Variants in GAREM1 observed in about 807,000 individuals in gnomAD.
GAREM1 encodes GRB2-associated and regulator of MAPK protein 1.
Under a neutral mutation model 71.3 loss-of-function variants are expected in GAREM1, and 26 were observed. That is an observed-to-expected ratio of 0.36 (90% CI 0.27 to 0.51). The LOEUF is 0.51. Among genes scored for constraint, GAREM1 ranks in the 20% least tolerant of loss-of-function variants. The pLI is 0.95. For missense variants in GAREM1, 1,026 were observed against 1,103.1 expected (o/e 0.93, Z 0.99); for synonymous variants, 440 against 433.2 (o/e 1.02, Z -0.20).
Position 32,287,888 on chromosome 18 carries a change from G to T in GAREM1, c.709C>A (p.Arg237Ser). Residue 237 changes from arginine (R) to serine (S), a missense_variant, in exon 4 of 6, where the codon CGC becomes AGC. By Grantham distance (110) the Arg-to-Ser change is moderately radical (BLOSUM62 -1). Coordinates refer to ENST00000269209, the MANE Select transcript of GAREM1 (RefSeq NM_001242409.2). This position sits in a 1 kb window ranked among gnomAD's most constrained non-coding sequence, Gnocchi z 5.9. ...AGCCTGGTTTTCTCCACAATGTTGC[G>T]GATGGTGTGTTCGCCCTCTTGCATC... Reference protein sequence around the residue: ...LQMQEGEHTIRNIVEKTRLPV... With the variant: ...LQMQEGEHTISNIVEKTRLPV... 1 of 1,614,010 alleles carries T rather than the reference G, an allele frequency of 6.2e-7. No individual in the cohort carries two copies. Among genetic ancestry groups the T allele is most frequent in the Non-Finnish European group, 8.5e-7 (1 of 1,180,004 alleles).
intron 2 of GAREM1, among the ~76,000 whole-genome samples, chr18:32,364,750 C>T (rs917921568): frequency 6.6e-6 from 1 of 152,060 alleles, no homozygotes; most frequent in African/African-American, 2.4e-5. Flanking sequence ...TCTTTATGAA[C>T]ACAAGACACG....
chr18:32,417,269 A>T (rs533207866), intron 1 of GAREM1, among the ~76,000 whole-genome samples: 26 of 152,306 alleles, frequency 1.7e-4, no homozygotes, highest in African/African-American at 5.8e-4. Context: ...CACTGTTGGT[A>T]GTAACGTAAA....
chr18:32,445,261 G>C (rs1369976303), intron 1 of GAREM1, among the ~76,000 whole-genome samples: 1 of 152,024 alleles, frequency 6.6e-6, no homozygotes, highest in Non-Finnish European at 1.5e-5. Context: ...ACACATATTA[G>C]TAAAAAGGGT....
At chr18:32,290,522 G>A (rs1423792032) in intron 3 of GAREM1, among the ~76,000 whole-genome samples, 2 of 151,748 alleles carry the variant, frequency 1.3e-5, no homozygotes, top group East Asian at 3.9e-4. Flanking sequence ...GCACGTGACT[G>A]TAGTCCCAGG....
chr18:32,367,165 A>G (rs1292800088), intron 2 of GAREM1, among the ~76,000 whole-genome samples: 1 of 152,224 alleles, frequency 6.6e-6, no homozygotes, highest in African/African-American at 2.4e-5. Flanking sequence ...AAAGCCCAAG[A>G]AAATAGTCTC....
At position 32,293,899 on chromosome 18, in the gene GAREM1, T is replaced by A. The variant is rs371065320; in HGVS notation, c.394-5696A>T. Among the ~76,000 whole-genome samples, 10 of 152,294 alleles carry A rather than the reference T, an allele frequency of 6.6e-5. No individual in the cohort carries two copies. In the South Asian group the frequency reaches 2.1e-3, roughly 32 times the overall value. On this transcript the variant is annotated intron_variant, in intron 3 of 5. Transcript: ENST00000269209. ...CAAAACTATTATGAAAATCCCATCA[T>A]GAGGAAATATCAGACAAACCCAAAC...
chr18:32,376,899 A>T (rs1450059734), intron 2 of GAREM1, among the ~76,000 whole-genome samples: 2 of 152,152 alleles, frequency 1.3e-5, no homozygotes, highest in Non-Finnish European at 2.9e-5. Flanking sequence ...ACAAAACAAA[A>T]ACACTAGCAA....
intron 1 of GAREM1, among the ~76,000 whole-genome samples, chr18:32,458,924 C>G (rs77411478): frequency 0.02 from 3,061 of 152,072 alleles, 99 homozygotes; most frequent in African/African-American, 0.069. Context: ...CATCCCACTT[C>G]CAGGAACCCA....
chr18:32,412,550 A>G, intron 1 of GAREM1: 2 of 1,596,642 alleles, frequency 1.3e-6, no homozygotes, highest in Non-Finnish European at 1.7e-6. Flanking sequence ...TCCCACCGAA[A>G]CCACCTCCAC....
intron 1 of GAREM1, among the ~76,000 whole-genome samples, chr18:32,426,425 T>C (rs2048576293): frequency 6.6e-6 from 1 of 152,194 alleles, no homozygotes; most frequent in African/African-American, 2.4e-5. Context: ...TTATATTCTT[T>C]TACTGACATT....
At chr18:32,445,311 AC>A (rs1176072634) in intron 1 of GAREM1, among the ~76,000 whole-genome samples, 10 of 150,930 alleles carry the variant, frequency 6.6e-5, no homozygotes, top group Non-Finnish European at 1.0e-4. Context: ...CTTTCACTAA[AC>A]CCCCCGCCCC....
chr18:32,398,090 G>A (rs911280412), intron 1 of GAREM1, among the ~76,000 whole-genome samples: 1 of 152,126 alleles, frequency 6.6e-6, no homozygotes, highest in African/African-American at 2.4e-5. Context: ...AATGAAGGCA[G>A]AAATAAAGAT....
At chr18:32,399,833 A>G (rs900691199) in intron 1 of GAREM1, among the ~76,000 whole-genome samples, 3 of 152,254 alleles carry the variant, frequency 2.0e-5, no homozygotes, top group African/African-American at 7.2e-5. Context: ...TTTAAAGTTC[A>G]TATGGAACCA....
chr18:32,460,247 C>A (rs1485261612), intron 1 of GAREM1, among the ~76,000 whole-genome samples: 1 of 151,992 alleles, frequency 6.6e-6, no homozygotes, highest in Non-Finnish European at 1.5e-5. Context: ...TAGAGGGTTA[C>A]ATTCCTCTCA....
At chr18:32,463,987 TAAAAAAAA>T (rs558638151) in intron 1 of GAREM1, among the ~76,000 whole-genome samples, 1 of 123,320 alleles carries the variant, frequency 8.1e-6, no homozygotes, top group African/African-American at 3.0e-5. Flanking sequence ...AGTACGTGGT[TAAAAAAAA>T]AAAAAAAAAA....
intron 2 of GAREM1, among the ~76,000 whole-genome samples, chr18:32,369,627 G>GAA (rs1321338460): frequency 6.6e-6 from 1 of 152,120 alleles, no homozygotes. Flanking sequence ...TACTTTTGTT[G>GAA]AAAACATCAA....
intron 1 of GAREM1, among the ~76,000 whole-genome samples, chr18:32,424,690 A>T (rs539712005): frequency 6.6e-6 from 1 of 152,346 alleles, no homozygotes; most frequent in African/African-American, 2.4e-5. Context: ...CACATGTATT[A>T]AATAAAAATT....
At chr18:32,380,408 G>A (rs1452512579) in intron 2 of GAREM1, among the ~76,000 whole-genome samples, 1 of 150,182 alleles carries the variant, frequency 6.7e-6, no homozygotes, top group East Asian at 2.0e-4. Flanking sequence ...CCAGGGAGGC[G>A]GAGGTTGCAG....
chr18:32,340,659 A>G (rs2047639306), intron 2 of GAREM1, among the ~76,000 whole-genome samples: 1 of 152,224 alleles, frequency 6.6e-6, no homozygotes, highest in Non-Finnish European at 1.5e-5. Context: ...TTACTGCAAC[A>G]ACTCAACAAT....
Sources: gnomAD v4.1 joint callset for allele counts (sites outside exome capture counted in the v4.1 genomes callset) on GRCh38, gnomAD v4.1.1 for gene constraint, Gnocchi (gnomAD v3.1) non-coding constraint, MANE v1.5 for transcripts, NCBI Gene and HGNC (gene_info 2026-07-23, HGNC 2026-07-21) for gene names.